PTPN2: variants seen among roughly 807,000 people sequenced by gnomAD.
The protein encoded by PTPN2 is tyrosine-protein phosphatase non-receptor type 2.
A neutral mutation model predicts 57.3 loss-of-function variants in PTPN2; 19 were observed. The observed-to-expected ratio is 0.33, with a 90% CI of 0.23 to 0.49. PTPN2 has a LOEUF of 0.49. Ranked by LOEUF, PTPN2 falls within the 20% of genes least tolerant of loss-of-function variation. The probability of loss-of-function intolerance (pLI) is 0.99; values close to 1 mark genes in which losing one functional copy is unlikely to be tolerated. For synonymous variants in PTPN2, 153 were observed against 164.9 expected (o/e 0.93, Z 0.55); for missense variants, 358 against 501.1 (o/e 0.71, Z 2.73).
At position 12,840,257 on chromosome 18, in the gene PTPN2, T is replaced by C. The variant is rs180890809; in HGVS notation, c.161-3366A>G. Among the ~76,000 whole-genome samples the C allele has an allele frequency of 4.6e-3, 703 of 152,340 alleles. 1 individual carries two copies. The highest frequency in any genetic ancestry group is 0.02 in the Middle Eastern group (6 of 294). On this transcript the variant is annotated intron_variant, in intron 2 of 8. Coordinates refer to ENST00000309660, the MANE Select transcript of PTPN2 (RefSeq NM_002828.4). ...CAAGAACTCAAAGCATTTTCTAGAT[T>C]TGTCAACTCTCTTCAATCCTGCAAG... is the stretch of plus-strand genomic sequence containing the variant.
intron 1 of PTPN2, among the ~76,000 whole-genome samples, chr18:12,877,794 A>C (rs1165587346): frequency 6.6e-6 from 1 of 151,140 alleles, no homozygotes; most frequent in South Asian, 2.1e-4. Context: ...GGTGGATCAC[A>C]AAGTCAGGAG....
chr18:12,840,904 AACT>A, intron 2 of PTPN2: 4 of 1,542,542 alleles, frequency 2.6e-6, no homozygotes, highest in Non-Finnish European at 3.5e-6. Context: ...TATCTTCTCT[AACT>A]AGACGCTCTG....
intron 1 of PTPN2, among the ~76,000 whole-genome samples, chr18:12,862,916 T>TAACA (rs2043864065): frequency 1.8e-4 from 1 of 5,452 alleles, no homozygotes; most frequent in Admixed American, 6.8e-3. Flanking sequence ...ATCAGGTCTG[T>TAACA]AATATACGCA....
chr18:12,869,491 C>G (rs2044111948), intron 1 of PTPN2, among the ~76,000 whole-genome samples: 1 of 152,176 alleles, frequency 6.6e-6, no homozygotes, highest in African/African-American at 2.4e-5. Flanking sequence ...ATCTATATTA[C>G]TGCAACTTAA....
intron 1 of PTPN2, among the ~76,000 whole-genome samples, chr18:12,874,718 C>G (rs1386747536): frequency 1.4e-5 from 2 of 139,772 alleles, no homozygotes; most frequent in East Asian, 4.7e-4. Context: ...AGCCGCCCCA[C>G]CCGGGAGGTG....
chr18:12,836,806 A>C lies in PTPN2; in HGVS notation c.246T>G (p.Ser82Arg). 1 of 1,602,236 alleles carries C rather than the reference A, an allele frequency of 6.2e-7. No homozygotes were observed. The highest frequency in any genetic ancestry group is 8.5e-7 in the Non-Finnish European group (1 of 1,172,138). The part of the protein sequence containing the change: ...SLVDIEEAQR[S>R]YILTQGPLPN... ...TATTACTTGCCTGTGTTAAGATGTAACTCCTTTGTGCCTCTTCTATGTCAA... is the reference window on the plus strand; with the variant it reads ...TATTACTTGCCTGTGTTAAGATGTACCTCCTTTGTGCCTCTTCTATGTCAA... Residue 82 changes from serine to arginine, a missense_variant, in exon 3 of 9, where the codon AGT becomes AGG. Ser to Arg is a moderately radical substitution (Grantham distance 110). Transcript: ENST00000309660.
downstream of PTPN2, among the ~76,000 whole-genome samples, chr18:12,791,079 A>G (rs1378436156): frequency 6.6e-6 from 1 of 152,246 alleles, no homozygotes; most frequent in East Asian, 1.9e-4. Flanking sequence ...ATATGGATAC[A>G]TTAAACATGG....
chr18:12,857,816 C>T (rs1321176114), intron 2 of PTPN2, among the ~76,000 whole-genome samples: 1 of 152,160 alleles, frequency 6.6e-6, no homozygotes, highest in African/African-American at 2.4e-5. Context: ...CTTCTAGCTA[C>T]TTGTCTTTAA....
At chr18:12,845,571 C>CT (rs1328975577) in intron 2 of PTPN2, among the ~76,000 whole-genome samples, 1 of 152,090 alleles carries the variant, frequency 6.6e-6, no homozygotes. Context: ...CTTATTAGTT[C>CT]TAGGACATTG....
intron 1 of PTPN2, among the ~76,000 whole-genome samples, chr18:12,874,662 C>A (rs1236843765): frequency 6.8e-6 from 1 of 148,070 alleles, no homozygotes; most frequent in Non-Finnish European, 1.5e-5. Flanking sequence ...CCCGGCCAGC[C>A]GCCCCGTCCG....
intron 2 of PTPN2, among the ~76,000 whole-genome samples, chr18:12,837,706 G>C (rs953673532): frequency 9.9e-5 from 15 of 152,150 alleles, no homozygotes; most frequent in Non-Finnish European, 2.1e-4. Flanking sequence ...TTTAACTCTA[G>C]AGAATGCATA....
At chr18:12,878,891 T>G (rs1227656206) in intron 1 of PTPN2, among the ~76,000 whole-genome samples, 1 of 152,138 alleles carries the variant, frequency 6.6e-6, no homozygotes, top group African/African-American at 2.4e-5. Context: ...CCAAATTCCT[T>G]CTGAGCCATC....
chr18:12,846,159 G>T (rs2043199126), intron 2 of PTPN2, among the ~76,000 whole-genome samples: 2 of 152,152 alleles, frequency 1.3e-5, no homozygotes, highest in Admixed American at 1.3e-4. Flanking sequence ...GGTGGTTCAG[G>T]ATTCTGACAT....
At chr18:12,808,304 T>C (rs1041082705) in intron 7 of PTPN2, among the ~76,000 whole-genome samples, 1 of 136,120 alleles carries the variant, frequency 7.3e-6, no homozygotes, top group African/African-American at 2.5e-5. Context: ...TATTAGCACA[T>C]AATAATATAT....
chr18:12,864,894 G>C (rs1338542384), intron 1 of PTPN2, among the ~76,000 whole-genome samples: 1 of 152,142 alleles, frequency 6.6e-6, no homozygotes, highest in African/African-American at 2.4e-5. Flanking sequence ...GTAAGAGTAA[G>C]ATTTTTTATA....
chr18:12,809,673 G>A (rs1025358304), intron 7 of PTPN2, among the ~76,000 whole-genome samples: 4 of 152,158 alleles, frequency 2.6e-5, no homozygotes, highest in Non-Finnish European at 5.9e-5. Flanking sequence ...TGCCCGAGGA[G>A]TCTAATGATT....
At chr18:12,815,447 T>C (rs1000505684) in intron 6 of PTPN2, among the ~76,000 whole-genome samples, 4 of 151,566 alleles carry the variant, frequency 2.6e-5, no homozygotes, top group Non-Finnish European at 4.4e-5. Flanking sequence ...AATAATAAAA[T>C]AAAATGAAGA....
At chr18:12,797,783 G>T (rs2041248808) in intron 8 of PTPN2, among the ~76,000 whole-genome samples, 1 of 152,198 alleles carries the variant, frequency 6.6e-6, no homozygotes, top group Admixed American at 6.5e-5. Flanking sequence ...GCCCAGGGAA[G>T]ATCATGTGGC....
chr18:12,799,525 T>G (rs2041327286), intron 8 of PTPN2, among the ~76,000 whole-genome samples: 1 of 152,090 alleles, frequency 6.6e-6, no homozygotes, highest in Non-Finnish European at 1.5e-5. Flanking sequence ...TGGGACTGAT[T>G]AAAAAATAAA....
Sources: gnomAD v4.1 joint callset for allele counts (sites outside exome capture counted in the v4.1 genomes callset) on GRCh38, gnomAD v4.1.1 for gene constraint, MANE v1.5 for transcripts, NCBI Gene and HGNC (gene_info 2026-07-23, HGNC 2026-07-21) for gene names.